Variants in CCDC149 observed in about 807,000 individuals in gnomAD.
The protein encoded by CCDC149 is coiled-coil domain containing 149, also known as coiled-coil domain-containing protein 149.
In CCDC149, 45 loss-of-function variants were observed where a neutral mutation model predicts 59.9. The observed-to-expected ratio is 0.75, with a 90% confidence interval of 0.59 to 0.96. The LOEUF is 0.96. CCDC149 is among the 40% of genes least tolerant of loss of function. The pLI, the probability that CCDC149 is intolerant of heterozygous loss-of-function variation, is 0.00. For missense variants in CCDC149, 584 were observed against 664.7 expected (o/e 0.88, Z 1.33); for synonymous variants, 245 against 260.6 (o/e 0.94, Z 0.58).
chr4:24,959,254 G>A (rs552798985), intron 1 of CCDC149, among the ~76,000 whole-genome samples: 1 of 152,100 alleles, frequency 6.6e-6, no homozygotes, highest in African/African-American at 2.4e-5. Flanking sequence ...GATTACAGGC[G>A]TGAGCCACTG....
At chr4:24,813,527 T>TATATATATATATATATATATATAA (rs1405803152) in intron 12 of CCDC149, among the ~76,000 whole-genome samples, 1 of 91,264 alleles carries the variant, frequency 1.1e-5, no homozygotes, top group Non-Finnish European at 2.3e-5. Flanking sequence ...TATATATATA[T>TATATATATATATATATATATATAA]AAAACCTAAA....
rs549127378 is a variant in CCDC149 at position 24,964,066 on chromosome 4, T to C, written c.-65+16003A>G. The stretch of plus-strand genomic sequence containing the variant: ...TTAAAATCAGCTAGTTGTGGTGGCA[T>C]ATGTCTGTAGTTCCAGCTACTCAGA... On this transcript the variant is annotated intron_variant, in intron 1 of 12. Coordinates refer to the CCDC149 transcript ENST00000389609. Among the ~76,000 whole-genome samples, 3 of 152,090 alleles carry C rather than the reference T, an allele frequency of 2.0e-5. No homozygotes were observed. In the East Asian group the frequency reaches 5.8e-4, roughly 29 times the overall value.
chr4:24,842,218 T>C (rs1203558203), intron 4 of CCDC149, among the ~76,000 whole-genome samples: 3 of 152,176 alleles, frequency 2.0e-5, no homozygotes, highest in Non-Finnish European at 4.4e-5. Flanking sequence ...CCCTGGAGCA[T>C]ATAATGTGTT....
intron 1 of CCDC149, among the ~76,000 whole-genome samples, chr4:24,906,478 T>C (rs1038787194): frequency 6.6e-6 from 1 of 151,600 alleles, no homozygotes; most frequent in Admixed American, 6.6e-5. Context: ...CTTGGCTCAC[T>C]GCAACCACTG....
intron 1 of CCDC149, among the ~76,000 whole-genome samples, chr4:24,905,704 G>A (rs937309466): frequency 1.6e-4 from 25 of 152,150 alleles, no homozygotes; most frequent in African/African-American, 6.0e-4. Context: ...CCAAAATGCT[G>A]GCATTACAGG....
chr4:24,851,142 T>C (rs1360656483), intron 4 of CCDC149, among the ~76,000 whole-genome samples: 1 of 152,196 alleles, frequency 6.6e-6, no homozygotes, highest in East Asian at 1.9e-4. Context: ...GGTACTGGAA[T>C]AAAGACTCAG....
At chr4:24,953,276 C>A (rs575873841) in intron 1 of CCDC149, among the ~76,000 whole-genome samples, 1 of 152,316 alleles carries the variant, frequency 6.6e-6, no homozygotes, top group African/African-American at 2.4e-5. Flanking sequence ...CCCACCCTGG[C>A]TCTTGCAAGC....
At chr4:24,945,088 C>A (rs943190722) in intron 1 of CCDC149, among the ~76,000 whole-genome samples, 1 of 152,148 alleles carries the variant, frequency 6.6e-6, no homozygotes, top group African/African-American at 2.4e-5. Flanking sequence ...CCCGAATGGG[C>A]TTATTGAATC....
intron 1 of CCDC149, among the ~76,000 whole-genome samples, chr4:24,943,577 C>A (rs1415321993): frequency 8.6e-5 from 13 of 151,664 alleles, no homozygotes; most frequent in African/African-American, 1.9e-4. Flanking sequence ...GGATCTAATG[C>A]AACTAAAGAG....
intron 9 of CCDC149, 138 bp from the exon 10 acceptor site, chr4:24,822,711 G>T: frequency 1.9e-6 from 1 of 535,452 alleles, no homozygotes; most frequent in Non-Finnish European, 3.3e-6. Flanking sequence ...GTATGTATGT[G>T]TGTGTAAATA....
chr4:24,892,052 A>G (rs1268772854), intron 1 of CCDC149, among the ~76,000 whole-genome samples: 13 of 152,184 alleles, frequency 8.5e-5, no homozygotes, highest in Admixed American at 8.5e-4. Context: ...ATCATCATAA[A>G]TAGTAGCGTC....
intron 1 of CCDC149, among the ~76,000 whole-genome samples, chr4:24,922,755 C>T (rs538497610): frequency 2.6e-4 from 39 of 152,256 alleles, no homozygotes; most frequent in African/African-American, 8.7e-4. Context: ...ACTTTTCTCT[C>T]GCTGGGGGCT....
chr4:24,822,597 A>G (rs1346220218), intron 9 of CCDC149, 24 bp from the exon 10 acceptor site: 12 of 1,502,468 alleles, frequency 8.0e-6, no homozygotes, highest in Non-Finnish European at 1.1e-5. Context: ...AGAAAATGAC[A>G]ATCAATTACT....
intron 4 of CCDC149, 110 bp downstream of exon 4, chr4:24,852,962 A>G: frequency 1.4e-6 from 1 of 730,272 alleles, no homozygotes; most frequent in Non-Finnish European, 2.3e-6. Flanking sequence ...TTAAAAATCT[A>G]TAACAAACTT....
upstream of CCDC149, among the ~76,000 whole-genome samples, chr4:24,913,981 C>T (rs1056363840): frequency 3.9e-5 from 6 of 152,136 alleles, no homozygotes; most frequent in African/African-American, 4.8e-5. Flanking sequence ...CTCGCAGAAA[C>T]GCTGTGTGTG....
At chr4:24,857,777 G>A (rs1368353892) in intron 3 of CCDC149, among the ~76,000 whole-genome samples, 8 of 152,204 alleles carry the variant, frequency 5.3e-5, no homozygotes, top group African/African-American at 1.7e-4. Context: ...TCCTCCAAGT[G>A]AGTTCACTGT....
Position 24,836,427 on chromosome 4 carries a change from T to C in CCDC149, c.735+9A>G. On this transcript the variant is annotated intron_variant, in intron 7 of 12. Transcript: ENST00000635206. ...TCAATCACCATCACTGTCATCATGA[T>C]TTTGCTACCTTGTATTTGGCAATGT... 6.3e-7 allele frequency: 1 copy of C among 1,579,650 alleles called. No homozygotes were observed. The highest frequency in any genetic ancestry group is 8.7e-7 in the Non-Finnish European group (1 of 1,149,136).
intron 1 of CCDC149, among the ~76,000 whole-genome samples, chr4:24,952,656 TATATATATA>T: frequency 1.3e-5 from 1 of 79,980 alleles, no homozygotes; most frequent in African/African-American, 4.5e-5. Flanking sequence ...TATATATATA[TATATATATA>T]GTGGTAAAAG....
chr4:24,877,164 T>A (rs919895437), intron 1 of CCDC149, among the ~76,000 whole-genome samples: 1 of 144,746 alleles, frequency 6.9e-6, no homozygotes, highest in Non-Finnish European at 1.5e-5. Flanking sequence ...TAAACCTATA[T>A]GGTTTTTTGT....
Sources: gnomAD v4.1 joint callset for allele counts (sites outside exome capture counted in the v4.1 genomes callset) on GRCh38, gnomAD v4.1.1 for gene constraint, MANE v1.5 for transcripts, NCBI Gene and HGNC (gene_info 2026-07-23, HGNC 2026-07-21) for gene names.